Variants in AK8 observed in about 807,000 individuals in gnomAD.
AK8 encodes adenylate kinase 8.
AK8 carries 44 observed loss-of-function variants against 54.6 expected under a neutral mutation model. The ratio of observed to expected loss-of-function variants is 0.81; its 90% CI spans 0.63 to 1.04. AK8 has a LOEUF of 1.04. AK8 is among the 50% of genes least tolerant of loss of function. The pLI, the probability that AK8 is intolerant of heterozygous loss-of-function variation, is 0.00. For synonymous variants in AK8, 239 were observed against 245.6 expected (o/e 0.97, Z 0.25); for missense variants, 555 against 613.6 (o/e 0.90, Z 1.01).
chr9:132,837,049 G>C lies in AK8; in HGVS notation c.403-8323C>G, dbSNP rs1842355534. ...AAGAATGGGAGAACGGGCCAGGCGT[G>C]GTGGTTCACGCCTATAATCCCAGCA... On this transcript the variant is annotated intron_variant, in intron 5 of 12. Transcript: ENST00000298545. The surrounding 1 kb of genome is among the most constrained non-coding windows in gnomAD (Gnocchi z 4.3). Among the ~76,000 whole-genome samples the C allele has an allele frequency of 6.6e-6, 1 of 152,160 alleles. No individual in the cohort carries two copies. Among genetic ancestry groups the C allele is most frequent in the Admixed American group, 6.5e-5 (1 of 15,280 alleles).
chr9:132,855,232 GA>G (rs1843132219), intron 4 of AK8, among the ~76,000 whole-genome samples: 1 of 152,132 alleles, frequency 6.6e-6, no homozygotes, highest in Non-Finnish European at 1.5e-5. Flanking sequence ...CAGCCTGCAG[GA>G]AGCCCTGCCG....
chr9:132,780,526 C>T (rs1408495509), intron 11 of AK8, among the ~76,000 whole-genome samples: 3 of 152,246 alleles, frequency 2.0e-5, no homozygotes, highest in African/African-American at 7.2e-5. Flanking sequence ...AGACCTGTCA[C>T]TGCCTTTCCA....
At chr9:132,755,256 T>C (rs1838132394) in intron 11 of AK8, among the ~76,000 whole-genome samples, 1 of 152,226 alleles carries the variant, frequency 6.6e-6, no homozygotes, top group Admixed American at 6.5e-5. Context: ...TACTGTGTCC[T>C]GGCACCCCCT....
chr9:132,875,054 A>C, intron 2 of AK8, 61 bp downstream of exon 2: 3 of 1,600,892 alleles, frequency 1.9e-6, no homozygotes, highest in East Asian at 2.2e-5. Flanking sequence ...TCAGGGAAGA[A>C]GGGGAAGGAG....
chr9:132,806,818 G>A (rs1392059946), intron 10 of AK8, among the ~76,000 whole-genome samples: 4 of 152,200 alleles, frequency 2.6e-5, no homozygotes, highest in African/African-American at 7.2e-5. Flanking sequence ...GGCTGGTTTG[G>A]CTTGTTTGTA....
rs556384608 is a variant in AK8, at chr9:132,759,289, T to C, written c.1122-31755A>G. Among the ~76,000 whole-genome samples the C allele has an allele frequency of 3.9e-5, 6 of 152,232 alleles. No homozygotes were observed. In the South Asian group the frequency reaches 1.2e-3, roughly 32 times the overall value. ...GATCTGTTCCTGATTTTTCTGCCCA[T>C]TTTTATATTAAGCATACTTTATCTC... On this transcript the variant is annotated intron_variant, in intron 11 of 12. Coordinates refer to ENST00000298545, the MANE Select transcript of AK8 (RefSeq NM_152572.3).
chr9:132,833,552 T>C (rs985310569), intron 5 of AK8, among the ~76,000 whole-genome samples: 2 of 152,186 alleles, frequency 1.3e-5, no homozygotes. Flanking sequence ...TTAATTGATA[T>C]TCTGATGCCT....
chr9:132,814,418 C>T (rs1020283322), intron 10 of AK8, among the ~76,000 whole-genome samples: 5 of 151,902 alleles, frequency 3.3e-5, no homozygotes, highest in Non-Finnish European at 5.9e-5. Flanking sequence ...CAGGGATAAC[C>T]CCCCCACATC....
chr9:132,804,951 G>A (rs1049899672), intron 10 of AK8, among the ~76,000 whole-genome samples: 18 of 152,174 alleles, frequency 1.2e-4, no homozygotes, highest in East Asian at 3.9e-4. Flanking sequence ...GTCAGCTCCC[G>A]TCAGGCGAGG....
chr9:132,793,000 G>C (rs1258683094), intron 10 of AK8, among the ~76,000 whole-genome samples: 1 of 152,156 alleles, frequency 6.6e-6, no homozygotes, highest in African/African-American at 2.4e-5. Context: ...CCTTGACCTC[G>C]GTCTTTCCCT....
chr9:132,850,890 G>A (rs944566650), intron 5 of AK8, among the ~76,000 whole-genome samples: 1 of 138,854 alleles, frequency 7.2e-6, no homozygotes, highest in African/African-American at 2.5e-5. Flanking sequence ...GAATCTGTAG[G>A]TGCATTTAAA....
At chr9:132,735,444 T>G (rs537381198) in intron 11 of AK8, among the ~76,000 whole-genome samples, 1 of 152,298 alleles carries the variant, frequency 6.6e-6, no homozygotes, top group East Asian at 1.9e-4. Flanking sequence ...TGTGTTGGCT[T>G]CTTGATCTTA....
chr9:132,820,722 TG>T lies in AK8; in HGVS notation c.889+2482del, dbSNP rs140273626. Among the ~76,000 whole-genome samples the T allele has an allele frequency of 5.8e-3, 878 of 152,292 alleles. 12 individuals are homozygous for T. The highest frequency in any genetic ancestry group is 0.018 in the African/African-American group (761 of 41,558). On this transcript the variant is annotated intron_variant, in intron 9 of 12. Coordinates refer to ENST00000298545, the MANE Select transcript of AK8 (RefSeq NM_152572.3). ...CTGATGAACTTTGTGGGAGTGAGTG[TG>T]GGGGCTGTCTGTTTTTTTGTTGGTT...
At chr9:132,815,053 G>A (rs1158347153) in intron 9 of AK8, among the ~76,000 whole-genome samples, 3 of 152,234 alleles carry the variant, frequency 2.0e-5, no homozygotes, top group Non-Finnish European at 4.4e-5. Flanking sequence ...GAATTGCTGC[G>A]CAGAACTCGG....
intron 5 of AK8, among the ~76,000 whole-genome samples, chr9:132,849,070 G>A (rs1274839996): frequency 1.3e-5 from 2 of 151,864 alleles, no homozygotes; most frequent in African/African-American, 4.8e-5. Context: ...CACCACGCCC[G>A]GCTAATTTTT....
chr9:132,779,180 T>C (rs750778771), intron 11 of AK8, among the ~76,000 whole-genome samples: 1 of 152,262 alleles, frequency 6.6e-6, no homozygotes, highest in African/African-American at 2.4e-5. Context: ...CCCTTCAATA[T>C]TTGCCATCTT....
chr9:132,838,543 G>A (rs141312318), intron 5 of AK8, among the ~76,000 whole-genome samples: 12 of 152,362 alleles, frequency 7.9e-5, no homozygotes, highest in African/African-American at 2.6e-4. Flanking sequence ...GGTTCAGAAT[G>A]GTCCAGGTGT....
At position 132,725,777 on chromosome 9, in the gene AK8, T is replaced by C. The variant is rs996812466; in HGVS notation, c.1351A>G (p.Ile451Val). 11 of 1,601,516 alleles carry C rather than the reference T, an allele frequency of 6.9e-6. No individual in the cohort carries two copies. The highest frequency in any genetic ancestry group is 2.2e-5 in the East Asian group (1 of 44,590). ...GGGTCCTGGTCCCCATTGAGGGTGA[T>C]GGCCGACCCATACAACTGCTCCAAG... is the stretch of plus-strand genomic sequence containing the variant. Reference protein sequence around the residue: ...ADLEQLYGSAITLNGDQDPYT... With the variant: ...ADLEQLYGSAVTLNGDQDPYT... The change falls in exon 13 of 13, where the codon ATC becomes GTC. Residue 451 changes from isoleucine (I) to valine (V), a missense_variant. By Grantham distance (29) the Ile-to-Val change is conservative. Coordinates refer to ENST00000298545, the MANE Select transcript of AK8 (RefSeq NM_152572.3).
chr9:132,835,452 C>A (rs1842286187), intron 5 of AK8, among the ~76,000 whole-genome samples: 1 of 152,170 alleles, frequency 6.6e-6, no homozygotes, highest in African/African-American at 2.4e-5. Flanking sequence ...AGGGCCCATT[C>A]CCCTCAAACA....
Sources: gnomAD v4.1 joint callset for allele counts (sites outside exome capture counted in the v4.1 genomes callset) on GRCh38, gnomAD v4.1.1 for gene constraint, Gnocchi (gnomAD v3.1) non-coding constraint, MANE v1.5 for transcripts, NCBI Gene and HGNC (gene_info 2026-07-23, HGNC 2026-07-21) for gene names.